Variants in NKD2 observed in about 807,000 individuals in gnomAD.
NKD2 encodes protein naked cuticle homolog 2.
Under a neutral mutation model 34.8 loss-of-function variants are expected in NKD2, and 43 were observed. The observed-to-expected ratio is 1.24, with a 90% CI of 0.97 to 1.60. NKD2 has a LOEUF of 1.60. NKD2 is among the 40% of genes most tolerant of loss of function. NKD2 has a pLI of 0.00. For missense variants in NKD2, 675 were observed against 627.1 expected, an observed-to-expected ratio of 1.08 and a Z score of -0.82; for synonymous variants, 278 against 265.1, an observed-to-expected ratio of 1.05 and a Z score of -0.47.
chr5:1,016,533 T>C (rs1383243424), intron 3 of NKD2, among the ~76,000 whole-genome samples: 1 of 152,246 alleles, frequency 6.6e-6, no homozygotes, highest in East Asian at 1.9e-4. Flanking sequence ...AATATTGTAA[T>C]ACAAACATTC....
chr5:1,036,199 T>C, intron 8 of NKD2, 58 bp from the exon 9 acceptor site: 1 of 1,463,206 alleles, frequency 6.8e-7, no homozygotes, highest in Middle Eastern at 1.9e-4. Context: ...CACCCCGTCA[T>C]CAGGGGTGCG....
At position 1,009,271 on chromosome 5, in the gene NKD2, A is replaced by G. The variant is rs1755652053; in HGVS notation, c.61+57A>G. On this transcript the variant is annotated intron_variant, in intron 2 of 9. Transcript: ENST00000296849. This position sits in a 1 kb window ranked among gnomAD's most constrained non-coding sequence, Gnocchi z 6.9. ...GGCGGCGACCCGGCCCGGGACCCTC[A>G]GAGCTAGGAGCCCGCGCGCGTCCTG... The G allele has an allele frequency of 2.1e-6, 1 of 478,092 alleles. No individual in the cohort carries two copies. Among genetic ancestry groups the G allele is most frequent in the Non-Finnish European group, 3.6e-6 (1 of 275,232 alleles). 29.6% of individuals were successfully genotyped at this position (478,092 alleles called of 1,614,324 possible).
In NKD2 at chr5:1,034,826, G is replaced by A; in HGVS notation, c.497G>A (p.Ser166Asn). 1 of 1,612,882 alleles carries A rather than the reference G, an allele frequency of 6.2e-7. No individual in the cohort carries two copies. Among genetic ancestry groups the A allele is most frequent in the Non-Finnish European group, 8.5e-7 (1 of 1,179,970 alleles). Residue 166 changes from serine (S) to asparagine (N), a missense_variant, in exon 7 of 10, where the codon AGC becomes AAC. By Grantham distance (46) the Ser-to-Asn change is conservative (BLOSUM62 1). Transcript: ENST00000296849. ...DASVNHSSGS[S>N]KTLRVKLTVS... Reference sequence around the variant, plus strand: ...TCGGTCAACCACTCCTCGGGCAGCAGCAAGACCCTCCGTGTGAAGCTAACC... The same window carrying A: ...TCGGTCAACCACTCCTCGGGCAGCAACAAGACCCTCCGTGTGAAGCTAACC...
At chr5:1,035,046 G>A (rs1733793409) in intron 7 of NKD2, 143 bp downstream of exon 7, 1 of 752,550 alleles carries the variant, frequency 1.3e-6, no homozygotes, top group African/African-American at 1.8e-5. Flanking sequence ...ATGAGTAAGT[G>A]GGTGAGTGAG....
intron 3 of NKD2, among the ~76,000 whole-genome samples, chr5:1,012,273 G>A (rs773725807): frequency 5.9e-5 from 9 of 152,252 alleles, no homozygotes; most frequent in Non-Finnish European, 1.0e-4. Context: ...GGAAGGGTGC[G>A]CTGGGGCTAA....
rs1219301199 is a variant in NKD2, at chr5:1,009,216, T to C, written c.61+2T>C. 2.0e-6 allele frequency: 1 copy of C among 507,468 alleles called. No individual in the cohort carries two copies. The highest frequency in any genetic ancestry group is 3.8e-5 in the Admixed American group (1 of 26,612). 31.4% of individuals were successfully genotyped at this position (507,468 alleles called of 1,614,324 possible). ...GCAAGCGGAGAGAGAGCCCGGAAGGTGAGCGGGCGAGCCGACGGGCGGGGC... is the reference window on the plus strand; with the variant it reads ...GCAAGCGGAGAGAGAGCCCGGAAGGCGAGCGGGCGAGCCGACGGGCGGGGC... On this transcript the variant is annotated splice_donor_variant, in intron 2 of 9. Transcript: ENST00000296849. LOFTEE classifies it high-confidence loss of function. This position sits in a 1 kb window ranked among gnomAD's most constrained non-coding sequence, Gnocchi z 6.9.
chr5:1,027,417 G>T (rs1001954973), intron 3 of NKD2, among the ~76,000 whole-genome samples: 3 of 152,202 alleles, frequency 2.0e-5, no homozygotes, highest in Non-Finnish European at 2.9e-5. Flanking sequence ...GGACCCGGGA[G>T]CCCCGAGGTC....
In NKD2 at chr5:1,034,321, C is replaced by T; in HGVS notation, c.417C>T (p.Val139=). 2 of 1,612,328 alleles carry T rather than the reference C, an allele frequency of 1.2e-6. No individual in the cohort carries two copies. Among genetic ancestry groups the T allele is most frequent in the Non-Finnish European group, 8.5e-7 (1 of 1,179,474 alleles). Residue 139 remains valine (V), a synonymous_variant, in exon 6 of 10, where the codon GTC becomes GTT. Transcript: ENST00000296849. Reference sequence around the variant, plus strand: ...ATGACTTTGACAACTGCGGGAAGGTCACCAGGGAGGTAGGTGAGCTTGTGT... The same window carrying T: ...ATGACTTTGACAACTGCGGGAAGGTTACCAGGGAGGTAGGTGAGCTTGTGT... The part of the protein sequence containing the change: ...TLYDFDNCGK[V]TREDMSSLMH...
In NKD2 at chr5:1,033,287, G is replaced by A. The variant is rs1045467505; in HGVS notation, c.203-85G>A. On this transcript the variant is annotated intron_variant, in intron 4 of 9. Coordinates refer to ENST00000296849, the MANE Select transcript of NKD2 (RefSeq NM_033120.4). ...TCTGGACAGGATCATGGTGTGGTGAGGGGAGAGCAGCGAGGGTCCCCAATG... is the reference window on the plus strand; with the variant it reads ...TCTGGACAGGATCATGGTGTGGTGAAGGGAGAGCAGCGAGGGTCCCCAATG... 4.9e-5 allele frequency: 63 copies of A among 1,285,112 alleles called. No individual in the cohort carries two copies. In the African/African-American group the frequency reaches 6.2e-4, roughly 13 times the overall value. The allele number at this position is 1,285,112 out of a possible 1,614,324, so 79.6% of individuals were successfully genotyped here.
Position 1,038,460 on chromosome 5 carries a change from A to C in NKD2, c.*87A>C. ...CAGAGCAGCTGCCGGCTGTGTGCCC[A>C]TGGGGAGCCCAGCCCCCACCCCCCA... On this transcript the variant is annotated 3_prime_UTR_variant, in exon 10 of 10. Transcript: ENST00000296849. The surrounding 1 kb of genome is among the most constrained non-coding windows in gnomAD (Gnocchi z 4.5). 1 of 1,534,718 alleles carries C rather than the reference A, an allele frequency of 6.5e-7. No individual in the cohort carries two copies. The highest frequency in any genetic ancestry group is 1.4e-5 in the African/African-American group (1 of 72,764).
intron 4 of NKD2, among the ~76,000 whole-genome samples, chr5:1,032,520 G>A (rs1756685414): frequency 1.3e-5 from 2 of 152,248 alleles, no homozygotes; most frequent in African/African-American, 4.8e-5. Context: ...TGTATAAAGG[G>A]GACCTGTGAA....
At chr5:1,032,590 C>T (rs1411425551) in intron 4 of NKD2, among the ~76,000 whole-genome samples, 2 of 152,230 alleles carry the variant, frequency 1.3e-5, no homozygotes, top group Admixed American at 1.3e-4. Flanking sequence ...TAAGTCACTG[C>T]CACGCGTGTA....
At chr5:1,026,150 C>T (rs1756387343) in intron 3 of NKD2, among the ~76,000 whole-genome samples, 1 of 94,250 alleles carries the variant, frequency 1.1e-5, no homozygotes, top group Admixed American at 1.1e-4. Context: ...GCTCTTCCCA[C>T]CCGCTGTGGG....
chr5:1,016,478 G>A (rs1257411083), intron 3 of NKD2, among the ~76,000 whole-genome samples: 2 of 152,308 alleles, frequency 1.3e-5, no homozygotes, highest in Non-Finnish European at 2.9e-5. Context: ...CAAGGAAATC[G>A]TAAATAGTTT....
chr5:1,021,153 T>A (rs1290767692), intron 3 of NKD2, among the ~76,000 whole-genome samples: 1 of 152,356 alleles, frequency 6.6e-6, no homozygotes, highest in South Asian at 2.1e-4. Flanking sequence ...CCAAAGTTAC[T>A]GCTTTTCTAG....
At chr5:1,037,537 A>G in intron 9 of NKD2, 1 of 1,535,874 alleles carries the variant, frequency 6.5e-7, no homozygotes, top group Non-Finnish European at 8.7e-7. Context: ...GCTGTGCGAG[A>G]AGAGAAGCTC....
chr5:1,028,947 G>A (rs528658116), intron 3 of NKD2, among the ~76,000 whole-genome samples: 22 of 152,320 alleles, frequency 1.4e-4, no homozygotes, highest in Admixed American at 3.3e-4. Flanking sequence ...TCCTGTGTGC[G>A]GACTTGGCCT....
intron 3 of NKD2, among the ~76,000 whole-genome samples, chr5:1,021,364 C>G (rs1405681327): frequency 1.5e-5 from 2 of 134,498 alleles, no homozygotes; most frequent in African/African-American, 5.7e-5. Flanking sequence ...GGCCCCCCGC[C>G]CCTCCACCCA....
At chr5:1,030,131 C>G in intron 3 of NKD2, among the ~76,000 whole-genome samples, 1 of 152,246 alleles carries the variant, frequency 6.6e-6, no homozygotes, top group Non-Finnish European at 1.5e-5. Context: ...AGGGATGCCT[C>G]GGGGCACCCA....
Sources: gnomAD v4.1 joint callset for allele counts (sites outside exome capture counted in the v4.1 genomes callset) on GRCh38, gnomAD v4.1.1 for gene constraint, Gnocchi (gnomAD v3.1) non-coding constraint, MANE v1.5 for transcripts, NCBI Gene and HGNC (gene_info 2026-07-23, HGNC 2026-07-21) for gene names.